SH3YL1: variants seen among roughly 807,000 people sequenced by gnomAD.
SH3YL1 encodes the protein SH3 domain-containing YSC84-like protein 1.
SH3YL1 carries 41 observed loss-of-function variants against 45.8 expected under a neutral mutation model. The ratio of observed to expected loss-of-function variants is 0.89; its 90% CI spans 0.70 to 1.16. The LOEUF (loss-of-function observed/expected upper bound fraction) is 1.16, where lower values mean the gene tolerates loss of function less well. SH3YL1 is among the 50% of genes most tolerant of loss of function. The probability of loss-of-function intolerance (pLI) is 0.00; values close to 1 mark genes in which losing one functional copy is unlikely to be tolerated. For synonymous variants in SH3YL1, 152 were observed against 151.4 expected, an observed-to-expected ratio of 1.00 and a Z score of -0.03; for missense variants, 389 against 409.6, an observed-to-expected ratio of 0.95 and a Z score of 0.43.
At chr2:228,950 C>T (rs1357696254) in intron 8 of SH3YL1, among the ~76,000 whole-genome samples, 1 of 152,202 alleles carries the variant, frequency 6.6e-6, no homozygotes, top group African/African-American at 2.4e-5. Context: ...TATATGCCTT[C>T]TCCCACTAAC....
At position 233,126 on chromosome 2, in the gene SH3YL1, T is replaced by C. The variant is rs571497324; in HGVS notation, c.508A>G (p.Ile170Val). Residue 170 changes from isoleucine (I) to valine (V), a missense_variant, in exon 6 of 10, where the codon ATT becomes GTT. Coordinates refer to ENST00000356150, the MANE Select transcript of SH3YL1 (RefSeq NM_015677.4). ...AGVSLEGSCL[I>V]ERKETNRKFY... is the part of the protein sequence containing the mutation. Reference sequence around the variant, plus strand: ...TTTCTATTAGTTTCTTTCCTTTCAATCAAACAGCTCCCTTCTAAAGACACG... The same window carrying C: ...TTTCTATTAGTTTCTTTCCTTTCAACCAAACAGCTCCCTTCTAAAGACACG... 3.8e-6 allele frequency: 6 copies of C among 1,587,442 alleles called. No homozygotes were observed. The South Asian group carries it at 5.7e-5, about 15-fold the overall frequency.
chr2:238,081 C>A lies in SH3YL1; in HGVS notation c.292-3809G>T, dbSNP rs1668383779. 1.3e-5 allele frequency among the ~76,000 whole-genome samples: 2 copies of A among 152,142 alleles called. 1 individual carries two copies. Among genetic ancestry groups the A allele is most frequent in the South Asian group, 4.1e-4 (2 of 4,826 alleles). On this transcript the variant is annotated intron_variant, in intron 4 of 9. Transcript: ENST00000356150. ...TGTTGTCCTGTCAGAGCATCACCCC[C>A]TTCTGGATGATTGACTGCTGTCAGC...
At chr2:261,867 T>C (rs1669603253) in intron 1 of SH3YL1, among the ~76,000 whole-genome samples, 1 of 152,236 alleles carries the variant, frequency 6.6e-6, no homozygotes, top group Admixed American at 6.5e-5. Flanking sequence ...ACTCTAATTA[T>C]GAAAGGAATA....
chr2:249,697 G>A (rs1421229381), intron 3 of SH3YL1, 34 bp downstream of exon 3: 2 of 1,407,978 alleles, frequency 1.4e-6, no homozygotes, highest in Non-Finnish European at 2.0e-6. Context: ...AAAGAATGAA[G>A]ACTCTCTACT....
At chr2:233,495 G>A (rs1170654418) in intron 5 of SH3YL1, among the ~76,000 whole-genome samples, 2 of 152,214 alleles carry the variant, frequency 1.3e-5, no homozygotes, top group African/African-American at 4.8e-5. Flanking sequence ...AGTGCAGCAT[G>A]TGTAAATATA....
intron 2 of SH3YL1, 86 bp from the exon 3 acceptor site, chr2:249,930 C>A: frequency 2.2e-6 from 2 of 924,402 alleles, no homozygotes; most frequent in Non-Finnish European, 3.4e-6. Context: ...AGTCAGTGTA[C>A]ACAGAGGTTA....
intron 6 of SH3YL1, among the ~76,000 whole-genome samples, chr2:232,696 G>T (rs1270473936): frequency 6.6e-6 from 1 of 151,458 alleles, no homozygotes; most frequent in Non-Finnish European, 1.5e-5. Context: ...TGTGGTGTTT[G>T]GTTTTCTGTC....
chr2:257,830 ATATGG>A (rs1388325571), intron 1 of SH3YL1, among the ~76,000 whole-genome samples: 2 of 152,122 alleles, frequency 1.3e-5, no homozygotes, highest in African/African-American at 4.8e-5. Flanking sequence ...GTTTTTTTGC[ATATGG>A]TATAAGGAAG....
intron 8 of SH3YL1, among the ~76,000 whole-genome samples, chr2:226,322 A>G (rs1007174122): frequency 2.6e-5 from 4 of 152,242 alleles, no homozygotes; most frequent in Non-Finnish European, 5.9e-5. Flanking sequence ...TATAATATAG[A>G]TAACATTTCC....
At chr2:258,035 A>G (rs1039252162) in intron 1 of SH3YL1, among the ~76,000 whole-genome samples, 4 of 152,130 alleles carry the variant, frequency 2.6e-5, no homozygotes, top group Admixed American at 1.3e-4. Context: ...TACCATTACC[A>G]TGCTGTTTTC....
chr2:233,230 C>T lies in SH3YL1; in HGVS notation c.405-1G>A, dbSNP rs1305948084. ...CAGGGCCACGTTTCCTTCCAAGTTCCTGCAAAGCACAAGATTTTGCATCAC... is the reference window on the plus strand; with the variant it reads ...CAGGGCCACGTTTCCTTCCAAGTTCTTGCAAAGCACAAGATTTTGCATCAC... On this transcript the variant is annotated splice_acceptor_variant, in intron 5 of 9. Transcript: ENST00000356150. LOFTEE classifies it high-confidence loss of function. The T allele has an allele frequency of 6.4e-7, 1 of 1,563,058 alleles. No individual in the cohort carries two copies. Among genetic ancestry groups the T allele is most frequent in the Non-Finnish European group, 8.7e-7 (1 of 1,154,212 alleles).
intron 4 of SH3YL1, among the ~76,000 whole-genome samples, chr2:237,366 C>T (rs943633332): frequency 4.6e-5 from 7 of 151,782 alleles, no homozygotes; most frequent in Non-Finnish European, 7.4e-5. Flanking sequence ...CCAATTAGCC[C>T]GAGAACCAGG....
At chr2:255,406 C>A (rs1048972420) in intron 1 of SH3YL1, among the ~76,000 whole-genome samples, 1 of 151,958 alleles carries the variant, frequency 6.6e-6, no homozygotes, top group Non-Finnish European at 1.5e-5. Context: ...CCAGCCTGGG[C>A]AACATAGTGA....
rs187323603 is a variant in SH3YL1, at chr2:253,127, C to T, written c.2-12G>A. The T allele has an allele frequency of 6.1e-5, 84 of 1,374,962 alleles. No homozygotes were observed. In the Admixed American group the frequency reaches 1.8e-3, roughly 29 times the overall value. The allele number at this position is 1,374,962 out of a possible 1,614,324, so 85.2% of individuals were successfully genotyped here. A position where few individuals can be genotyped will look rare whatever the true frequency, so the allele number is the denominator to read the frequency against. ...TATAGGGTTATTCACTGAAACATAA[C>T]AAAAGATATTTTAATGAAAAATTCT... On this transcript the variant is annotated splice_polypyrimidine_tract_variant and intron_variant, in intron 1 of 9. Transcript: ENST00000356150.
At chr2:239,255 C>T (rs1473011724) in intron 4 of SH3YL1, among the ~76,000 whole-genome samples, 1 of 152,170 alleles carries the variant, frequency 6.6e-6, no homozygotes, top group Non-Finnish European at 1.5e-5. Flanking sequence ...CACGAATGTC[C>T]TAAGGCATCC....
At chr2:222,988 G>A (rs1279832823) in intron 9 of SH3YL1, 4 of 152,206 alleles carry the variant, frequency 2.6e-5, no homozygotes, top group African/African-American at 9.6e-5. Flanking sequence ...CGTAAAGTGA[G>A]TTTTATTTAA....
intron 1 of SH3YL1, chr2:259,539 A>C (rs548772498): frequency 1.3e-5 from 2 of 152,074 alleles, no homozygotes; most frequent in Non-Finnish European, 2.9e-5. Context: ...TGGGAAAATA[A>C]ACAAGCAAGA....
chr2:233,739 A>G (rs1361728043), intron 5 of SH3YL1, among the ~76,000 whole-genome samples: 1 of 152,228 alleles, frequency 6.6e-6, no homozygotes, highest in Admixed American at 6.5e-5. Flanking sequence ...TAGAGAAGAA[A>G]AATACACTTT....
chr2:221,574 C>T (rs983611605), intron 9 of SH3YL1, among the ~76,000 whole-genome samples: 3 of 152,086 alleles, frequency 2.0e-5, no homozygotes, highest in South Asian at 2.1e-4. Flanking sequence ...AGAGGAGCAA[C>T]GTGGGTGGTT....
Sources: gnomAD v4.1 joint callset for allele counts (sites outside exome capture counted in the v4.1 genomes callset) on GRCh38, gnomAD v4.1.1 for gene constraint, MANE v1.5 for transcripts, NCBI Gene and HGNC (gene_info 2026-07-23, HGNC 2026-07-21) for gene names.